CNTN1: variants seen among roughly 807,000 people sequenced by gnomAD.
The protein encoded by CNTN1 is contactin-1.
CNTN1 carries 38 observed loss-of-function variants against 126.4 expected under a neutral mutation model. The observed-to-expected ratio is 0.30, with a 90% CI of 0.23 to 0.39. The LOEUF is 0.39. Among genes scored for constraint, CNTN1 ranks in the 10% least tolerant of loss-of-function variants. The pLI, the probability that CNTN1 is intolerant of heterozygous loss-of-function variation, is 1.00. For synonymous variants in CNTN1, 413 were observed against 422.6 expected (o/e 0.98, Z 0.28); for missense variants, 1,009 against 1,248.4 (o/e 0.81, Z 2.89).
At chr12:40,982,862 T>G (rs955876417) in intron 16 of CNTN1, among the ~76,000 whole-genome samples, 1 of 147,212 alleles carries the variant, frequency 6.8e-6, no homozygotes, top group African/African-American at 2.5e-5. Flanking sequence ...GTATTTCTCA[T>G]ATTCTCACTC....
At chr12:41,032,441 T>C (rs75021648) in intron 23 of CNTN1, among the ~76,000 whole-genome samples, 1 of 152,112 alleles carries the variant, frequency 6.6e-6, no homozygotes, top group African/African-American at 2.4e-5. Context: ...TTTCTTACTG[T>C]GGCCTATAGT....
rs138057200 is a variant in CNTN1, at chr12:41,003,936, A to G, written c.2114-10292A>G. On this transcript the variant is annotated intron_variant, in intron 17 of 23. Transcript: ENST00000551295. Reference sequence around the variant, plus strand: ...CTTTTGAATGAAATTTTGTGTCTCAAACTTCTTCAGTTGAGCTGTGACTTT... The same window carrying G: ...CTTTTGAATGAAATTTTGTGTCTCAGACTTCTTCAGTTGAGCTGTGACTTT... Among the ~76,000 whole-genome samples, 673 of 152,162 alleles carry G rather than the reference A, an allele frequency of 4.4e-3. 6 individuals carry two copies. Among genetic ancestry groups the G allele is most frequent in the Middle Eastern group, 0.02 (6 of 294 alleles).
chr12:40,708,504 A>C (rs1281941747), intron 1 of CNTN1, among the ~76,000 whole-genome samples: 1 of 152,194 alleles, frequency 6.6e-6, no homozygotes, highest in Non-Finnish European at 1.5e-5. Context: ...ATTTCTGAAG[A>C]CTGATTTAGG....
At chr12:40,850,790 A>G (rs187433267) in intron 1 of CNTN1, among the ~76,000 whole-genome samples, 1 of 152,250 alleles carries the variant, frequency 6.6e-6, no homozygotes, top group Admixed American at 6.5e-5. Flanking sequence ...AGTTGTGGAT[A>G]AGGATATTTA....
intron 1 of CNTN1, among the ~76,000 whole-genome samples, chr12:40,801,779 C>A (rs1318367555): frequency 6.6e-6 from 1 of 151,600 alleles, no homozygotes; most frequent in Non-Finnish European, 1.5e-5. Flanking sequence ...CATTTTGAGT[C>A]CAGTTGGTAT....
intron 1 of CNTN1, among the ~76,000 whole-genome samples, chr12:40,696,856 A>T (rs1001922917): frequency 6.6e-6 from 1 of 152,200 alleles, no homozygotes; most frequent in Non-Finnish European, 1.5e-5. Context: ...AAGAGATCCT[A>T]TTTCAATCTT....
intron 23 of CNTN1, among the ~76,000 whole-genome samples, chr12:41,053,057 T>C (rs1238187421): frequency 6.6e-6 from 1 of 151,644 alleles, no homozygotes; most frequent in East Asian, 1.9e-4. Flanking sequence ...TAAGACTACA[T>C]AGATATTATA....
chr12:40,854,343 T>C (rs368946837), intron 1 of CNTN1, among the ~76,000 whole-genome samples: 2 of 152,216 alleles, frequency 1.3e-5, no homozygotes, highest in Non-Finnish European at 1.5e-5. Context: ...GTTTGATTTA[T>C]TTTGAATCCT....
chr12:40,737,217 T>C (rs1937723201), intron 1 of CNTN1, among the ~76,000 whole-genome samples: 2 of 151,124 alleles, frequency 1.3e-5, no homozygotes, highest in Non-Finnish European at 1.5e-5. Flanking sequence ...TTTGAAAAGA[T>C]AGGAAAATAA....
intron 1 of CNTN1, among the ~76,000 whole-genome samples, chr12:40,842,820 A>G (rs1433788509): frequency 1.3e-5 from 2 of 152,144 alleles, no homozygotes; most frequent in African/African-American, 4.8e-5. Flanking sequence ...CACACCATCC[A>G]ATTAATAGAC....
intron 23 of CNTN1, 136 bp from the exon 24 acceptor site, chr12:41,069,823 A>G: frequency 1.4e-6 from 1 of 730,372 alleles, no homozygotes; most frequent in Non-Finnish European, 2.5e-6. Flanking sequence ...TCATGTAAGA[A>G]TAAGAGATTC....
At chr12:41,014,519 T>A (rs1437687662) in intron 18 of CNTN1, among the ~76,000 whole-genome samples, 1 of 152,208 alleles carries the variant, frequency 6.6e-6, no homozygotes, top group Non-Finnish European at 1.5e-5. Flanking sequence ...TGCTAAGAGA[T>A]CTGTTAGCCT....
At chr12:40,997,165 T>C (rs1358417678) in intron 17 of CNTN1, among the ~76,000 whole-genome samples, 3 of 152,360 alleles carry the variant, frequency 2.0e-5, no homozygotes, top group African/African-American at 2.4e-5. Context: ...CCATTTAATT[T>C]TGACTGTAGA....
intron 1 of CNTN1, among the ~76,000 whole-genome samples, chr12:40,716,534 C>T (rs528578692): frequency 1.3e-5 from 2 of 152,322 alleles, no homozygotes; most frequent in South Asian, 2.1e-4. Flanking sequence ...GCTTTGCCTA[C>T]ACCACCTGGG....
At position 40,993,056 on chromosome 12, in the gene CNTN1, G is replaced by A. The variant is rs920780414; in HGVS notation, c.1964-64G>A. ...TCTCCCTGAAATAGTAAAATAAAAA[G>A]GGAAGTTATAAAAGTGATAAGTTAA... is the stretch of plus-strand genomic sequence containing the variant. On this transcript the variant is annotated intron_variant, in intron 16 of 23. Transcript: ENST00000551295. 6 of 1,436,396 alleles carry A rather than the reference G, an allele frequency of 4.2e-6. No homozygotes were observed. The African/African-American group carries it at 5.6e-5, about 13-fold the overall frequency. 89.0% of individuals were successfully genotyped at this position (1,436,396 alleles called of 1,614,324 possible).
intron 1 of CNTN1, among the ~76,000 whole-genome samples, chr12:40,693,202 C>T (rs1322827573): frequency 6.6e-6 from 1 of 152,212 alleles, no homozygotes; most frequent in Non-Finnish European, 1.5e-5. Context: ...ATTACGTCTC[C>T]GTTGAGAAGG....
intron 1 of CNTN1, among the ~76,000 whole-genome samples, chr12:40,794,256 G>A (rs1240723601): frequency 6.6e-6 from 1 of 152,008 alleles, no homozygotes; most frequent in Non-Finnish European, 1.5e-5. Context: ...CCTGGTGACA[G>A]CATAAACAAA....
At chr12:41,016,951 G>A (rs759204550) in intron 19 of CNTN1, 35 bp downstream of exon 19, 2 of 1,539,830 alleles carry the variant, frequency 1.3e-6, no homozygotes, top group Non-Finnish European at 1.8e-6. Flanking sequence ...CCTGAGGAGG[G>A]AGGAAAAACG....
At chr12:40,740,095 A>G (rs1937871763) in intron 1 of CNTN1, among the ~76,000 whole-genome samples, 1 of 152,100 alleles carries the variant, frequency 6.6e-6, no homozygotes, top group Non-Finnish European at 1.5e-5. Flanking sequence ...AATTCACAAG[A>G]TCTGCCAGAT....
Sources: allele counts gnomAD v4.1 joint callset (sites outside exome capture counted in the v4.1 genomes callset), GRCh38; gene constraint gnomAD v4.1.1; transcripts MANE v1.5; gene names NCBI Gene and HGNC (gene_info 2026-07-23, HGNC 2026-07-21).